The following PCNP variants were observed in gnomAD, a reference collection of about 807,000 sequenced individuals.
PCNP encodes the protein PEST proteolytic signal containing nuclear protein.
A neutral mutation model predicts 21.8 loss-of-function variants in PCNP; 6 were observed. That is an observed-to-expected ratio of 0.28 (90% confidence interval 0.15 to 0.54). PCNP has a LOEUF of 0.54. PCNP is among the 20% of genes least tolerant of loss of function. PCNP has a pLI of 0.95. For synonymous variants in PCNP, 67 were observed against 73.2 expected (o/e 0.92, Z 0.43); for missense variants, 161 against 215.5 (o/e 0.75, Z 1.58).
In PCNP at chr3:101,594,357, T is replaced by C. The variant is rs1412701044; in HGVS notation, c.*1604T>C. 1 of 152,624 alleles carries C rather than the reference T, an allele frequency of 6.6e-6. No homozygotes were observed. Among genetic ancestry groups the C allele is most frequent in the Non-Finnish European group, 1.5e-5 (1 of 68,048 alleles). 9.5% of individuals were successfully genotyped at this position (152,624 alleles called of 1,614,324 possible). A position where few individuals can be genotyped will look rare whatever the true frequency, so the allele number is the denominator to read the frequency against. On this transcript the variant is annotated 3_prime_UTR_variant, in exon 5 of 5. Coordinates refer to ENST00000265260, the MANE Select transcript of PCNP (RefSeq NM_020357.3). The stretch of plus-strand genomic sequence containing the variant: ...TTATTTTCTTGACCCAAATGAAATA[T>C]TAACCTAAGGTCAAGCTGGGAGAGA...
chr3:101,591,788 TTAA>T (rs1935825045), intron 4 of PCNP, among the ~76,000 whole-genome samples: 1 of 67,030 alleles, frequency 1.5e-5, no homozygotes, highest in Admixed American at 1.6e-4. Context: ...TTTTTTTTTT[TTAA>T]GACAGGATCT....
In PCNP at chr3:101,593,677, C is replaced by T. The variant is rs1180483797; in HGVS notation, c.*924C>T. ...TGAAGATGGAAAATAAGAAGATGCA[C>T]TTTCTGTAACTTTGTCTAAGGATTT... On this transcript the variant is annotated 3_prime_UTR_variant, in exon 5 of 5. Coordinates refer to ENST00000265260, the MANE Select transcript of PCNP (RefSeq NM_020357.3). 1.3e-5 allele frequency: 2 copies of T among 152,444 alleles called. No homozygotes were observed. The highest frequency in any genetic ancestry group is 2.9e-5 in the Non-Finnish European group (2 of 67,984). 9.4% of individuals were successfully genotyped at this position (152,444 alleles called of 1,614,324 possible).
At chr3:101,591,301 A>G (rs1935791635) in intron 4 of PCNP, among the ~76,000 whole-genome samples, 1 of 152,178 alleles carries the variant, frequency 6.6e-6, no homozygotes, top group Non-Finnish European at 1.5e-5. Flanking sequence ...GCTTAATACC[A>G]CCTCAACCCC....
At chr3:101,576,182 A>C (rs56111657) in intron 1 of PCNP, among the ~76,000 whole-genome samples, 1,837 of 151,070 alleles carry the variant, frequency 0.012, 18 homozygotes, top group Non-Finnish European at 0.018. Context: ...TCTGAATTTT[A>C]ATTCCTGTCG....
At chr3:101,579,341 A>C (rs1426302044) in intron 1 of PCNP, among the ~76,000 whole-genome samples, 1 of 152,162 alleles carries the variant, frequency 6.6e-6, no homozygotes, top group Non-Finnish European at 1.5e-5. Flanking sequence ...GTTTATAACT[A>C]GGTACTTTGT....
rs1167880573 is a variant in PCNP at position 101,576,747 on chromosome 3, C to A, written c.64+2468C>A. 3 of 1,611,472 alleles carry A rather than the reference C, an allele frequency of 1.9e-6. No individual in the cohort carries two copies. In the African/African-American group the frequency reaches 4.0e-5, roughly 22 times the overall value. Reference sequence around the variant, plus strand: ...GGCGTGGATTCTGCATAACGGTGATCACACGTTCCACCTCATCATCAGTGA... The same window carrying A: ...GGCGTGGATTCTGCATAACGGTGATAACACGTTCCACCTCATCATCAGTGA... On this transcript the variant is annotated intron_variant, in intron 1 of 4. Coordinates refer to ENST00000265260, the MANE Select transcript of PCNP (RefSeq NM_020357.3).
chr3:101,576,957 A>C (rs1934943889), intron 1 of PCNP: 1 of 1,343,106 alleles, frequency 7.4e-7, no homozygotes, highest in Admixed American at 1.7e-5. Flanking sequence ...TGGCGGCAGC[A>C]CAAGCGGCGG....
At chr3:101,577,534 C>T (rs530593714) in intron 1 of PCNP, among the ~76,000 whole-genome samples, 1 of 152,266 alleles carries the variant, frequency 6.6e-6, no homozygotes, top group African/African-American at 2.4e-5. Context: ...GTTTTTTCTT[C>T]CTTTTTTTGA....
chr3:101,593,099 C>G lies in PCNP; in HGVS notation c.*346C>G, dbSNP rs1935901445. ...AAGCAAAGTTACTGTCTATTTAAAA[C>G]TGCAAGCAGTTAACTCTCTTAACTC... is the stretch of plus-strand genomic sequence containing the variant. On this transcript the variant is annotated 3_prime_UTR_variant, in exon 5 of 5. Coordinates refer to ENST00000265260, the MANE Select transcript of PCNP (RefSeq NM_020357.3). The G allele has an allele frequency of 6.2e-6, 1 of 161,750 alleles. No homozygotes were observed. Among genetic ancestry groups the G allele is most frequent in the Non-Finnish European group, 1.3e-5 (1 of 74,474 alleles). 10.0% of individuals were successfully genotyped at this position (161,750 alleles called of 1,614,324 possible).
chr3:101,591,291 G>C (rs114679483), intron 4 of PCNP, among the ~76,000 whole-genome samples: 295 of 152,294 alleles, frequency 1.9e-3, no homozygotes, highest in African/African-American at 6.9e-3. Flanking sequence ...CAGTAAGAAA[G>C]CTTAATACCA....
chr3:101,588,009 A>C (rs1348978099), intron 3 of PCNP, among the ~76,000 whole-genome samples: 1 of 152,214 alleles, frequency 6.6e-6, no homozygotes. Context: ...ATGGTGGCTC[A>C]TGCCTGTAAT....
At chr3:101,575,148 T>A (rs1934800198) in intron 1 of PCNP, among the ~76,000 whole-genome samples, 1 of 152,208 alleles carries the variant, frequency 6.6e-6, no homozygotes, top group Non-Finnish European at 1.5e-5. Flanking sequence ...AGCTCCCTCT[T>A]TGCACATAAC....
rs1387905771 is a variant in PCNP, at chr3:101,593,724, C to T, written c.*971C>T. ...ATTTAAATTACTAACTTATGAACTCCAATTTGAATTGAACTTAACTATCGG... is the reference window on the plus strand; with the variant it reads ...ATTTAAATTACTAACTTATGAACTCTAATTTGAATTGAACTTAACTATCGG... On this transcript the variant is annotated 3_prime_UTR_variant, in exon 5 of 5. Transcript: ENST00000265260. 2 of 152,508 alleles carry T rather than the reference C, an allele frequency of 1.3e-5. No homozygotes were observed. Among genetic ancestry groups the T allele is most frequent in the African/African-American group, 4.8e-5 (2 of 41,424 alleles). The allele number at this position is 152,508 out of a possible 1,614,324, so 9.4% of individuals were successfully genotyped here.
At chr3:101,581,393 A>G (rs900115886) in intron 2 of PCNP, among the ~76,000 whole-genome samples, 1 of 151,434 alleles carries the variant, frequency 6.6e-6, no homozygotes, top group Non-Finnish European at 1.5e-5. Flanking sequence ...CTAAATCTAA[A>G]TCCCTACTCT....
At chr3:101,581,634 A>G (rs141301930) in intron 2 of PCNP, among the ~76,000 whole-genome samples, 192 of 152,032 alleles carry the variant, frequency 1.3e-3, no homozygotes, top group African/African-American at 4.5e-3. Context: ...GGATTTCACC[A>G]TGTTGGCCAG....
Position 101,594,236 on chromosome 3 carries a change from A to G in PCNP, c.*1483A>G, listed in dbSNP as rs1330415259. 1 of 152,620 alleles carries G rather than the reference A, an allele frequency of 6.6e-6. No homozygotes were observed. Among genetic ancestry groups the G allele is most frequent in the African/African-American group, 2.4e-5 (1 of 41,458 alleles). The allele number at this position is 152,620 out of a possible 1,614,324, so 9.5% of individuals were successfully genotyped here. A position where few individuals can be genotyped will look rare whatever the true frequency, so the allele number is the denominator to read the frequency against. Reference sequence around the variant, plus strand: ...CTCTTAGTTCTTACATGATTTAATTATATCGATACATGAATTTAACTTACT... The same window carrying G: ...CTCTTAGTTCTTACATGATTTAATTGTATCGATACATGAATTTAACTTACT... On this transcript the variant is annotated 3_prime_UTR_variant, in exon 5 of 5. Transcript: ENST00000265260.
intron 3 of PCNP, among the ~76,000 whole-genome samples, chr3:101,585,853 A>G (rs1239872775): frequency 6.6e-6 from 1 of 152,138 alleles, no homozygotes; most frequent in Non-Finnish European, 1.5e-5. Context: ...GTAATGATAC[A>G]TTATGCATGC....
upstream of PCNP, chr3:101,574,156 G>T: frequency 2.6e-6 from 4 of 1,533,178 alleles, no homozygotes; most frequent in South Asian, 4.9e-5. Context: ...AAACTCGATG[G>T]TTGTTGGGCG....
chr3:101,577,157 T>C (rs1399562129), intron 1 of PCNP, among the ~76,000 whole-genome samples: 1 of 152,222 alleles, frequency 6.6e-6, no homozygotes, highest in Non-Finnish European at 1.5e-5. Flanking sequence ...AGAAGCTACT[T>C]ATTTGAACTA....
Sources: allele counts gnomAD v4.1 joint callset (sites outside exome capture counted in the v4.1 genomes callset), GRCh38; gene constraint gnomAD v4.1.1; transcripts MANE v1.5; gene names NCBI Gene and HGNC (gene_info 2026-07-23, HGNC 2026-07-21).